IGSF10: variants seen among roughly 807,000 people sequenced by gnomAD.
IGSF10 encodes calvaria mechanical force protein 608.
A neutral mutation model predicts 128.2 loss-of-function variants in IGSF10; 126 were observed. That is an observed-to-expected ratio of 0.98 (90% CI 0.85 to 1.14). The LOEUF is 1.14. Among genes scored for constraint, IGSF10 ranks in the 50% most tolerant of loss-of-function variants. The pLI is 0.00. For synonymous variants in IGSF10, 1,185 were observed against 1,146.2 expected (o/e 1.03, Z -0.68); for missense variants, 3,295 against 3,149.8 (o/e 1.05, Z -1.10).
the IGSF10 span, among the ~76,000 whole-genome samples, chr3:151,610,238 T>A: frequency 6.6e-6 from 1 of 152,138 alleles, no homozygotes; most frequent in Non-Finnish European, 1.5e-5. Context: ...ATATCTAACT[T>A]CCTAAGAAAG....
rs867505850 is a variant in IGSF10 at position 151,446,242 on chromosome 3, CTT to C, written c.3737_3738del (p.Lys1246SerfsTer19). 6.2e-7 allele frequency: 1 copy of C among 1,613,770 alleles called. No individual in the cohort carries two copies. The highest frequency in any genetic ancestry group is 2.2e-5 in the East Asian group (1 of 44,864). Reference protein sequence around the residue: ...PKTSPALPRDKVSPFHFTTLS... With the variant: ...PKTSPALPRDXVSPFHFTTLS... Reference sequence around the variant, plus strand: ...AGTGTGGTGAAATGGAAAGGGGAGACTTTGTCTCTGGGTAAAGCAGGAGATGT... The same window carrying C: ...AGTGTGGTGAAATGGAAAGGGGAGACTGTCTCTGGGTAAAGCAGGAGATGT... On this transcript the variant is annotated frameshift_variant, in exon 6 of 8. Coordinates refer to ENST00000282466, the MANE Select transcript of IGSF10 (RefSeq NM_178822.5). LOFTEE classifies it high-confidence loss of function.
the IGSF10 span, among the ~76,000 whole-genome samples, chr3:151,466,176 A>C: frequency 3.9e-5 from 6 of 152,122 alleles, no homozygotes; most frequent in African/African-American, 1.4e-4. Flanking sequence ...AAGTTTTAAC[A>C]GATCTGGCAT....
At chr3:151,463,542 T>TTTG (rs1560185548), upstream of IGSF10, among the ~76,000 whole-genome samples, 104 of 113,106 alleles carry the variant, frequency 9.2e-4, no homozygotes, top group African/African-American at 1.8e-3. Context: ...TTTTTTTTTT[T>TTTG]TTTTTTTTTT....
the IGSF10 span, among the ~76,000 whole-genome samples, chr3:151,573,387 T>C: frequency 6.6e-6 from 1 of 152,160 alleles, no homozygotes; most frequent in Non-Finnish European, 1.5e-5. Flanking sequence ...GTCTCTAAGG[T>C]CTTGCTTTAT....
chr3:151,462,908 G>T (rs1722117024), upstream of IGSF10, among the ~76,000 whole-genome samples: 1 of 152,172 alleles, frequency 6.6e-6, no homozygotes, highest in African/African-American at 2.4e-5. Flanking sequence ...TGGCATATTT[G>T]TCGGGTTTTG....
At chr3:151,455,903 A>G (rs555296366) in intron 4 of IGSF10, among the ~76,000 whole-genome samples, 2 of 152,346 alleles carry the variant, frequency 1.3e-5, no homozygotes, top group South Asian at 4.1e-4. Context: ...ATTTCTCATC[A>G]TATTTTCCTG....
At chr3:151,616,760 T>C in the IGSF10 span, among the ~76,000 whole-genome samples, 1 of 152,238 alleles carries the variant, frequency 6.6e-6, no homozygotes, top group African/African-American at 2.4e-5. Context: ...CTATGTATCA[T>C]CTATAGAAAC....
At chr3:151,500,890 T>A in the IGSF10 span, among the ~76,000 whole-genome samples, 1 of 152,116 alleles carries the variant, frequency 6.6e-6, no homozygotes, top group Non-Finnish European at 1.5e-5. Flanking sequence ...TATGTTCATA[T>A]ATTTCTGGTC....
chr3:151,472,983 C>A, the IGSF10 span, among the ~76,000 whole-genome samples: 2 of 152,196 alleles, frequency 1.3e-5, no homozygotes, highest in Non-Finnish European at 2.9e-5. Flanking sequence ...ACTTGTGGAA[C>A]TGTACACCTG....
chr3:151,593,291 T>C, the IGSF10 span, among the ~76,000 whole-genome samples: 2 of 152,076 alleles, frequency 1.3e-5, no homozygotes, highest in East Asian at 3.9e-4. Context: ...TTTTGTATTT[T>C]TTGTAGAGAC....
At chr3:151,571,123 G>T in the IGSF10 span, among the ~76,000 whole-genome samples, 2 of 152,140 alleles carry the variant, frequency 1.3e-5, no homozygotes, top group Non-Finnish European at 2.9e-5. Context: ...ATGCTGTTTT[G>T]GTTACTGTAG....
chr3:151,477,533 T>C, the IGSF10 span, among the ~76,000 whole-genome samples: 1 of 152,220 alleles, frequency 6.6e-6, no homozygotes, highest in Non-Finnish European at 1.5e-5. Flanking sequence ...AACAATGTTG[T>C]AAAATATATT....
the IGSF10 span, among the ~76,000 whole-genome samples, chr3:151,469,393 C>T: frequency 1.3e-5 from 2 of 152,118 alleles, no homozygotes; most frequent in Admixed American, 1.3e-4. Flanking sequence ...TGTATCTGAA[C>T]CCATCCAATT....
the IGSF10 span, among the ~76,000 whole-genome samples, chr3:151,589,646 AAT>A: frequency 6.6e-6 from 1 of 152,214 alleles, no homozygotes; most frequent in Non-Finnish European, 1.5e-5. Context: ...TAGTCTTTGA[AAT>A]ATTACAAAAT....
the IGSF10 span, among the ~76,000 whole-genome samples, chr3:151,506,218 G>A: frequency 6.6e-6 from 1 of 152,146 alleles, no homozygotes; most frequent in Non-Finnish European, 1.5e-5. Context: ...CTCCCAAAGT[G>A]CTGGGATTAT....
At chr3:151,556,420 C>T in the IGSF10 span, among the ~76,000 whole-genome samples, 1 of 152,054 alleles carries the variant, frequency 6.6e-6, no homozygotes, top group Non-Finnish European at 1.5e-5. Flanking sequence ...ATGAAACAGA[C>T]CAGTTATGCT....
rs760063728 is a variant in IGSF10, at chr3:151,437,924, A to C, written c.6637T>G (p.Cys2213Gly). 6.8e-6 allele frequency: 11 copies of C among 1,614,106 alleles called. No individual in the cohort carries two copies. In the African/African-American group the frequency reaches 1.3e-4, roughly 20 times the overall value. ...VKLLDSGEYV[C>G]VARNPSGDDT... ...TCCCCACTGGGATTTCGGGCTACAC[A>C]TACGTACTCTCCAGAATCGAGCAGT... Residue 2213 changes from cysteine (C) to glycine (G), a missense_variant, in exon 8 of 8, where the codon TGT (cysteine) becomes GGT (glycine). Coordinates refer to ENST00000282466, the MANE Select transcript of IGSF10 (RefSeq NM_178822.5).
In IGSF10 at chr3:151,446,956, G is replaced by A. The variant is rs140953154; in HGVS notation, c.3025C>T (p.Arg1009Cys). The change falls in exon 6 of 8, where the codon CGC becomes TGC. Residue 1009 changes from arginine to cysteine, a missense_variant. By Grantham distance (180) the Arg-to-Cys change is radical. Transcript: ENST00000282466. ...NSTVNIPLFR[R>C]FGRQRKIGGR... ...CCAATTTTCCTCTGCCTCCCAAAGC[G>A]TCTGAACAGCGGGATGTTAACTGTA... is the stretch of plus-strand genomic sequence containing the variant. 2,384 of 1,614,190 alleles carry A rather than the reference G, an allele frequency of 1.5e-3. 47 individuals carry two copies. In the South Asian group the frequency reaches 0.024, roughly 16 times the overall value.
At chr3:151,473,825 C>A in the IGSF10 span, among the ~76,000 whole-genome samples, 1 of 152,082 alleles carries the variant, frequency 6.6e-6, no homozygotes, top group African/African-American at 2.4e-5. Context: ...TTTTGCCTGG[C>A]TTGCTCCTGT....
Sources: allele counts gnomAD v4.1 joint callset (sites outside exome capture counted in the v4.1 genomes callset), GRCh38; gene constraint gnomAD v4.1.1; transcripts MANE v1.5; gene names NCBI Gene and HGNC (gene_info 2026-07-23, HGNC 2026-07-21).